Variants in PAQR9 observed in about 807,000 individuals in gnomAD.
The protein encoded by PAQR9 is progestin and adipoQ receptor family member 9, also known as membrane progestin receptor epsilon.
In PAQR9, 12 loss-of-function variants were observed where a neutral mutation model predicts 24.0. The observed-to-expected ratio is 0.50, with a 90% CI of 0.32 to 0.81. The LOEUF (loss-of-function observed/expected upper bound fraction) is 0.81. PAQR9 is among the 30% of genes least tolerant of loss of function. The pLI, the probability that PAQR9 is intolerant of heterozygous loss-of-function variation, is 0.03. For missense variants in PAQR9, 418 were observed against 520.8 expected, an observed-to-expected ratio of 0.80 and a Z score of 1.92; for synonymous variants, 266 against 237.6, an observed-to-expected ratio of 1.12 and a Z score of -1.10.
rs1260281052 is a variant in PAQR9, at chr3:142,955,480, A to T, written c.*6723T>A. Among the ~76,000 whole-genome samples, 2 of 128,532 alleles carry T rather than the reference A, an allele frequency of 1.6e-5. No homozygotes were observed. The highest frequency in any genetic ancestry group is 5.6e-5 in the African/African-American group (2 of 35,760). 84.3% of individuals were successfully genotyped at this position (128,532 alleles called of 152,430 possible). A position where few individuals can be genotyped will look rare whatever the true frequency, so the allele number is the denominator to read the frequency against. On this transcript the variant is annotated 3_prime_UTR_variant, in exon 1 of 1. Transcript: ENST00000340634. Reference sequence around the variant, plus strand: ...AAAAAAAAAAAAAAAAAAAAAAAGCAGCCACAGAATCCTCCCCCAGCCCTG... The same window carrying T: ...AAAAAAAAAAAAAAAAAAAAAAAGCTGCCACAGAATCCTCCCCCAGCCCTG...
rs1342170706 is a variant in PAQR9, at chr3:142,963,041, C to G, written c.296G>C (p.Ser99Thr). ...THFIPLLLFLSKFCRLFFLSG... is the reference protein window; with the variant it reads ...THFIPLLLFLTKFCRLFFLSG... ...CAGGAAGAACAGACGGCAGAACTTG[C>G]TCAGGAACAGCAGCAGCGGGATGAA... Residue 99 changes from serine (S) to threonine (T), a missense_variant, in exon 1 of 1, where the codon AGC becomes ACC. Physicochemically the swap from Ser to Thr is moderately conservative, Grantham distance 58. Transcript: ENST00000340634. 6.2e-7 allele frequency: 1 copy of G among 1,614,172 alleles called. No individual in the cohort carries two copies. The highest frequency in any genetic ancestry group is 8.5e-7 in the Non-Finnish European group (1 of 1,180,014).
Position 142,963,131 on chromosome 3 carries a change from G to A in PAQR9, c.206C>T (p.Thr69Met), listed in dbSNP as rs751225224. 24 of 1,611,858 alleles carry A rather than the reference G, an allele frequency of 1.5e-5. No individual in the cohort carries two copies. Among genetic ancestry groups the A allele is most frequent in the Non-Finnish European group, 2.0e-5 (23 of 1,178,956 alleles). ...CACCGAGGCTAGGCACTCCTGGGCC[G>A]TGCACGGCAGACGCCGGTAGCCCGA... ...ILSGYRRLPC[T>M]AQECLASVLK... The change falls in exon 1 of 1, where the codon ACG becomes ATG. Residue 69 changes from threonine to methionine, a missense_variant. Thr to Met is a moderately conservative substitution (Grantham distance 81). Transcript: ENST00000340634.
At position 142,955,535 on chromosome 3, in the gene PAQR9, T is replaced by C. The variant is rs1934779481; in HGVS notation, c.*6668A>G. Among the ~76,000 whole-genome samples the C allele has an allele frequency of 7.0e-6, 1 of 142,320 alleles. No homozygotes were observed. Among genetic ancestry groups the C allele is most frequent in the Non-Finnish European group, 1.5e-5 (1 of 66,452 alleles). 93.4% of individuals were successfully genotyped at this position (142,320 alleles called of 152,430 possible). The stretch of plus-strand genomic sequence containing the variant: ...ACAGAAAGCCTTTTTCTGGTCCATA[T>C]AGTGATGGCATGGGGCTTATTCTTC... On this transcript the variant is annotated 3_prime_UTR_variant, in exon 1 of 1. Transcript: ENST00000340634.
Position 142,961,379 on chromosome 3 carries a change from T to TA in PAQR9, c.*823dup, listed in dbSNP as rs1162709158. On this transcript the variant is annotated 3_prime_UTR_variant, in exon 1 of 1. Coordinates refer to ENST00000340634, the MANE Select transcript of PAQR9 (RefSeq NM_198504.4). ...AAAGTAAACAAAAATCTGGGGTCTA[T>TA]ACAAACCACTCGAGCTCCTCACCAA... 1.3e-5 allele frequency: 2 copies of TA among 152,636 alleles called. No homozygotes were observed. The highest frequency in any genetic ancestry group is 4.8e-5 in the African/African-American group (2 of 41,448). 9.5% of individuals were successfully genotyped at this position (152,636 alleles called of 1,614,324 possible).
In PAQR9 at chr3:142,963,025, C is replaced by T. The variant is rs145977421; in HGVS notation, c.312G>A (p.Leu104=). Residue 104 remains leucine, a synonymous_variant, in exon 1 of 1, where the codon CTG becomes CTA. Transcript: ENST00000340634. ...LLLFLSKFCR[L]FFLSGGDVPF... is the part of the protein sequence containing the mutation. Reference sequence around the variant, plus strand: ...GCACGTCGCCGCCGCTCAGGAAGAACAGACGGCAGAACTTGCTCAGGAACA... The same window carrying T: ...GCACGTCGCCGCCGCTCAGGAAGAATAGACGGCAGAACTTGCTCAGGAACA... 4 of 1,614,186 alleles carry T rather than the reference C, an allele frequency of 2.5e-6. No homozygotes were observed. The highest frequency in any genetic ancestry group is 1.3e-5 in the African/African-American group (1 of 75,066).
At chr3:142,949,262 T>C (rs1934683920) in exon 3 of PAQR9, 2 of 152,184 alleles carry the variant, frequency 1.3e-5, no homozygotes, top group South Asian at 4.1e-4. Flanking sequence ...AGTAAGAATC[T>C]GAGAGAACTC....
rs932325842 is a variant in PAQR9 at position 142,960,854 on chromosome 3, C to T, written c.*1349G>A. The T allele has an allele frequency of 2.6e-5, 4 of 152,236 alleles. No homozygotes were observed. Among genetic ancestry groups the T allele is most frequent in the African/African-American group, 9.6e-5 (4 of 41,466 alleles). The allele number at this position is 152,236 out of a possible 1,614,324, so 9.4% of individuals were successfully genotyped here. ...AATCAAACTTCAGCGTTTAACTAGG[C>T]AAGTGTAATCTTATTTAACTCAAAA... On this transcript the variant is annotated 3_prime_UTR_variant, in exon 1 of 1. Coordinates refer to ENST00000340634, the MANE Select transcript of PAQR9 (RefSeq NM_198504.4).
rs1475573921 is a variant in PAQR9, at chr3:142,963,181, G to A, written c.156C>T (p.Asp52=). The A allele has an allele frequency of 1.9e-6, 3 of 1,589,990 alleles. No individual in the cohort carries two copies. The highest frequency in any genetic ancestry group is 1.7e-4 in the Middle Eastern group (1 of 6,058). ...KPLLRWDEVP[D]DFVECFILSG... The stretch of plus-strand genomic sequence containing the variant: ...ACAGGATGAAGCACTCCACGAAGTC[G>A]TCGGGCACCTCGTCCCAGCGCAGCA... Residue 52 remains aspartate (D), a synonymous_variant, in exon 1 of 1, where the codon GAC becomes GAT. Coordinates refer to ENST00000340634, the MANE Select transcript of PAQR9 (RefSeq NM_198504.4).
rs1934952271 is a variant in PAQR9 at position 142,963,376 on chromosome 3, T to C, written c.-40A>G. 5 of 1,161,678 alleles carry C rather than the reference T, an allele frequency of 4.3e-6. No homozygotes were observed. The allele number at this position is 1,161,678 out of a possible 1,614,324, so 72.0% of individuals were successfully genotyped here. A position where few individuals can be genotyped will look rare whatever the true frequency, so the allele number is the denominator to read the frequency against. On this transcript the variant is annotated 5_prime_UTR_variant, in exon 1 of 1. Coordinates refer to ENST00000340634, the MANE Select transcript of PAQR9 (RefSeq NM_198504.4). ...GGCTAGGGCGCGCGCAGGCGACCTCTGGCGCCGGCTCCCGGGCGCTGGGCA... is the reference window on the plus strand; with the variant it reads ...GGCTAGGGCGCGCGCAGGCGACCTCCGGCGCCGGCTCCCGGGCGCTGGGCA...
rs929551402 is a variant in PAQR9, at chr3:142,963,420, C to T, written c.-84G>A. The T allele has an allele frequency of 5.6e-6, 6 of 1,063,252 alleles. No homozygotes were observed. The African/African-American group carries it at 1.0e-4, about 18-fold the overall frequency. 65.9% of individuals were successfully genotyped at this position (1,063,252 alleles called of 1,614,324 possible). A position where few individuals can be genotyped will look rare whatever the true frequency, so the allele number is the denominator to read the frequency against. The stretch of plus-strand genomic sequence containing the variant: ...CTGGGCAGCCCCCGCCGGCCGCCGT[C>T]GGAGCCTTTGTGCCCACGCCGGGGG... On this transcript the variant is annotated 5_prime_UTR_variant, in exon 1 of 1. Transcript: ENST00000340634.
exon 3 of PAQR9, chr3:142,949,525 C>T (rs1934687155): frequency 6.6e-6 from 1 of 152,178 alleles, no homozygotes; most frequent in African/African-American, 2.4e-5. Context: ...AGAGAATGGA[C>T]ATTATGGGAG....
rs1934820531 is a variant in PAQR9 at position 142,957,967 on chromosome 3, T to C, written c.*4236A>G. Among the ~76,000 whole-genome samples the C allele has an allele frequency of 6.6e-6, 1 of 152,230 alleles. No homozygotes were observed. Among genetic ancestry groups the C allele is most frequent in the Non-Finnish European group, 1.5e-5 (1 of 68,034 alleles). ...ACAGCCAAGGTCAGAGTTTGGTTCCTGGCCAGAGAGACTTTCTGGGGCTTC... is the reference window on the plus strand; with the variant it reads ...ACAGCCAAGGTCAGAGTTTGGTTCCCGGCCAGAGAGACTTTCTGGGGCTTC... On this transcript the variant is annotated 3_prime_UTR_variant, in exon 1 of 1. Transcript: ENST00000340634.
Position 142,958,757 on chromosome 3 carries a change from C to G in PAQR9, c.*3446G>C, listed in dbSNP as rs1445428931. Reference sequence around the variant, plus strand: ...CTCTGTCCAGCTCTGTAGCCCCATACTTTCTCCCTGGGCTATTTATAGAAA... The same window carrying G: ...CTCTGTCCAGCTCTGTAGCCCCATAGTTTCTCCCTGGGCTATTTATAGAAA... On this transcript the variant is annotated 3_prime_UTR_variant, in exon 1 of 1. Coordinates refer to ENST00000340634, the MANE Select transcript of PAQR9 (RefSeq NM_198504.4). 6.6e-6 allele frequency among the ~76,000 whole-genome samples: 1 copy of G among 152,200 alleles called. No homozygotes were observed. Among genetic ancestry groups the G allele is most frequent in the Non-Finnish European group, 1.5e-5 (1 of 68,038 alleles).
rs757209508 is a variant in PAQR9 at position 142,962,873 on chromosome 3, TAGA to T, written c.461_463del (p.Phe154del). 8 of 1,613,502 alleles carry T rather than the reference TAGA, an allele frequency of 5.0e-6. No homozygotes were observed. Among genetic ancestry groups the T allele is most frequent in the African/African-American group, 1.3e-5 (1 of 74,924 alleles). ...GTAGCTGATGGACGCGTAGTCCAGG[TAGA>T]AGAAGGCGGCGCGCAGACGCAGCGA... On this transcript the variant is annotated inframe_deletion, in exon 1 of 1. Coordinates refer to ENST00000340634, the MANE Select transcript of PAQR9 (RefSeq NM_198504.4).
rs554330330 is a variant in PAQR9, at chr3:142,959,022, G to A, written c.*3181C>T. ...TTTCCAGGCATGACTCTATGGCGCC[G>A]CTCCTTGAGATGTCATCCAGATCAT... On this transcript the variant is annotated 3_prime_UTR_variant, in exon 1 of 1. Coordinates refer to ENST00000340634, the MANE Select transcript of PAQR9 (RefSeq NM_198504.4). Among the ~76,000 whole-genome samples, 5 of 152,244 alleles carry A rather than the reference G, an allele frequency of 3.3e-5. No individual in the cohort carries two copies. The highest frequency in any genetic ancestry group is 4.1e-4 in the South Asian group (2 of 4,824).
rs1462327462 is a variant in PAQR9, at chr3:142,955,872, C to CT, written c.*6330dup. Among the ~76,000 whole-genome samples, 1 of 152,052 alleles carries CT rather than the reference C, an allele frequency of 6.6e-6. No homozygotes were observed. Among genetic ancestry groups the CT allele is most frequent in the Non-Finnish European group, 1.5e-5 (1 of 67,970 alleles). ...TAAAACCTATCTCATGTGTTTTCTT[C>CT]TTTTTTAAAAAATGATTTGTATCCT... On this transcript the variant is annotated 3_prime_UTR_variant, in exon 1 of 1. Coordinates refer to ENST00000340634, the MANE Select transcript of PAQR9 (RefSeq NM_198504.4).
At chr3:142,951,059 ATTTAT>A (rs898666915), downstream of PAQR9, among the ~76,000 whole-genome samples, 4 of 152,112 alleles carry the variant, frequency 2.6e-5, no homozygotes, top group African/African-American at 4.8e-5. Flanking sequence ...TGTTCATAGG[ATTTAT>A]TTTATTTTAG....
rs541022766 is a variant in PAQR9, at chr3:142,962,545, G to A, written c.792C>T (p.Phe264=). The A allele has an allele frequency of 1.9e-6, 3 of 1,613,852 alleles. No individual in the cohort carries two copies. Among genetic ancestry groups the A allele is most frequent in the South Asian group, 2.2e-5 (2 of 91,084 alleles). The change falls in exon 1 of 1, where the codon TTC becomes TTT. Residue 264 remains phenylalanine (F), a synonymous_variant. Transcript: ENST00000340634. ...ACPIMLESWL[F]DLRGENPTLF... ...GTGTGGGGTTCTCCCCACGCAGGTCGAAGAGCCAGCTCTCGAGCATAATGG... is the reference window on the plus strand; with the variant it reads ...GTGTGGGGTTCTCCCCACGCAGGTCAAAGAGCCAGCTCTCGAGCATAATGG...
chr3:142,963,891 T>G (rs1265809712), upstream of PAQR9: 2 of 985,002 alleles, frequency 2.0e-6, no homozygotes, highest in African/African-American at 3.5e-5. Flanking sequence ...GGCCGCCCCG[T>G]TAATGATTGA....
Sources: gnomAD v4.1 joint callset for allele counts (sites outside exome capture counted in the v4.1 genomes callset) on GRCh38, gnomAD v4.1.1 for gene constraint, MANE v1.5 for transcripts, NCBI Gene and HGNC (gene_info 2026-07-23, HGNC 2026-07-21) for gene names.